KCNE4: variants seen among roughly 807,000 people sequenced by gnomAD.
KCNE4 encodes potassium voltage-gated channel subfamily E member 4.
In KCNE4, 6 loss-of-function variants were observed where a neutral mutation model predicts 9.2. The observed-to-expected ratio is 0.65, with a 90% CI of 0.36 to 1.29. The LOEUF (loss-of-function observed/expected upper bound fraction) is 1.29, where lower values mean the gene tolerates loss of function less well. Among genes scored for constraint, KCNE4 ranks in the 50% most tolerant of loss-of-function variants. KCNE4 has a pLI of 0.03. For synonymous variants in KCNE4, 115 were observed against 103.2 expected (o/e 1.11, Z -0.70); for missense variants, 222 against 228.8 (o/e 0.97, Z 0.19).
chr2:223,052,695 C>A (rs1698710739), intron 1 of KCNE4, 113 bp from the exon 2 acceptor site: 6 of 1,216,450 alleles, frequency 4.9e-6, no homozygotes, highest in South Asian at 1.4e-5. Context: ...TATGCTATTT[C>A]TTTCATGCAC....
At position 223,052,851 on chromosome 2, in the gene KCNE4, G is replaced by T; in HGVS notation, c.21G>T (p.Leu7=). MLKMEP[L]NSTHPGTAAS... ...CCTCAATGCTGAAAATGGAGCCTCT[G>T]AACAGCACGCACCCCGGCACCGCCG... Residue 7 remains leucine, a synonymous_variant, in exon 2 of 2, where the codon CTG becomes CTT. Coordinates refer to ENST00000281830, the MANE Select transcript of KCNE4 (RefSeq NM_080671.4). The T allele has an allele frequency of 6.2e-7, 1 of 1,612,698 alleles. No individual in the cohort carries two copies.
intron 1 of KCNE4, 98 bp from the exon 2 acceptor site, chr2:223,052,710 A>T: frequency 7.4e-7 from 1 of 1,353,232 alleles, no homozygotes; most frequent in Non-Finnish European, 1.0e-6. Flanking sequence ...ATGCACTTTT[A>T]AGCTTTTTTG....
rs1698747483 is a variant in KCNE4, at chr2:223,055,140, G to A, written c.*1797G>A. On this transcript the variant is annotated 3_prime_UTR_variant, in exon 2 of 2. Coordinates refer to ENST00000281830, the MANE Select transcript of KCNE4 (RefSeq NM_080671.4). ...CCCAAAGTGCTGGGATTACAGGCATGAGCCACTGCACCCGGCCACTTTTTT... is the reference window on the plus strand; with the variant it reads ...CCCAAAGTGCTGGGATTACAGGCATAAGCCACTGCACCCGGCCACTTTTTT... The A allele has an allele frequency of 6.2e-6, 1 of 160,208 alleles. No homozygotes were observed. Among genetic ancestry groups the A allele is most frequent in the African/African-American group, 2.5e-5 (1 of 39,538 alleles). The allele number at this position is 160,208 out of a possible 1,614,324, so 9.9% of individuals were successfully genotyped here.
chr2:223,052,866 C>G lies in KCNE4; in HGVS notation c.36C>G (p.Pro12=). The change falls in exon 2 of 2, where the codon CCC becomes CCG. Residue 12 remains proline (P), a synonymous_variant. Transcript: ENST00000281830. ...TGGAGCCTCTGAACAGCACGCACCC[C>G]GGCACCGCCGCCTCCAGCAGCCCCC... ...LKMEPLNSTH[P]GTAASSSPLE... 6.2e-7 allele frequency: 1 copy of G among 1,613,550 alleles called. No homozygotes were observed. Among genetic ancestry groups the G allele is most frequent in the Non-Finnish European group, 8.5e-7 (1 of 1,179,968 alleles).
Position 223,052,571 on chromosome 2 carries a change from TA to T in KCNE4, c.-23-221del, listed in dbSNP as rs71906281. ...CTACAAACAGGACAAATGTGTACAC[TA>T]AAAAAAAAAAAAAAAGTCCTTCTTA... On this transcript the variant is annotated intron_variant, in intron 1 of 1. Transcript: ENST00000281830. Among the ~76,000 whole-genome samples, 333 of 131,956 alleles carry T rather than the reference TA, an allele frequency of 2.5e-3. 2 individuals carry two copies. The highest frequency in any genetic ancestry group is 6.7e-3 in the African/African-American group (237 of 35,466). The allele number at this position is 131,956 out of a possible 152,430, so 86.6% of individuals were successfully genotyped here.
Position 223,054,068 on chromosome 2 carries a change from T to A in KCNE4, c.*725T>A, listed in dbSNP as rs1013776315. 1.8e-5 allele frequency: 3 copies of A among 167,154 alleles called. No homozygotes were observed. The highest frequency in any genetic ancestry group is 7.2e-5 in the African/African-American group (3 of 41,436). The allele number at this position is 167,154 out of a possible 1,614,324, so 10.4% of individuals were successfully genotyped here. A position where few individuals can be genotyped will look rare whatever the true frequency, so the allele number is the denominator to read the frequency against. On this transcript the variant is annotated 3_prime_UTR_variant, in exon 2 of 2. Coordinates refer to ENST00000281830, the MANE Select transcript of KCNE4 (RefSeq NM_080671.4). ...ATGACGTTCTTTGGATCAGAAGAGC[T>A]TCCCCAGAATCTAACCTGCACTCCC... is the stretch of plus-strand genomic sequence containing the variant.
Position 223,053,615 on chromosome 2 carries a change from G to T in KCNE4, c.*272G>T. 1 of 503,944 alleles carries T rather than the reference G, an allele frequency of 2.0e-6. No individual in the cohort carries two copies. Among genetic ancestry groups the T allele is most frequent in the Non-Finnish European group, 3.7e-6 (1 of 268,864 alleles). The allele number at this position is 503,944 out of a possible 1,614,324, so 31.2% of individuals were successfully genotyped here. A position where few individuals can be genotyped will look rare whatever the true frequency, so the allele number is the denominator to read the frequency against. On this transcript the variant is annotated 3_prime_UTR_variant, in exon 2 of 2. Transcript: ENST00000281830. This position sits in a 1 kb window ranked among gnomAD's most constrained non-coding sequence, Gnocchi z 4.1. ...CTGACTTTGGGGCCTGGGTGTTGGGGTTCTGATCAGAATTTGGCGGGATGA... is the reference window on the plus strand; with the variant it reads ...CTGACTTTGGGGCCTGGGTGTTGGGTTTCTGATCAGAATTTGGCGGGATGA...
chr2:223,053,195 G>A lies in KCNE4; in HGVS notation c.365G>A (p.Gly122Glu), dbSNP rs1574611776. Reference protein sequence around the residue: ...ALSCTLCSMEGDSVSSESSSP... With the variant: ...ALSCTLCSMEEDSVSSESSSP... Reference sequence around the variant, plus strand: ...TCCTGCACCCTCTGTTCCATGGAAGGGGACAGCGTGAGCTCCGAGTCCTCC... The same window carrying A: ...TCCTGCACCCTCTGTTCCATGGAAGAGGACAGCGTGAGCTCCGAGTCCTCC... Residue 122 changes from glycine (G) to glutamate (E), a missense_variant, in exon 2 of 2, where the codon GGG (glycine) becomes GAG (glutamate). Gly to Glu is a moderately conservative substitution (Grantham distance 98). Coordinates refer to ENST00000281830, the MANE Select transcript of KCNE4 (RefSeq NM_080671.4). The surrounding 1 kb of genome is among the most constrained non-coding windows in gnomAD (Gnocchi z 4.1). 6 of 1,612,152 alleles carry A rather than the reference G, an allele frequency of 3.7e-6. No homozygotes were observed. Among genetic ancestry groups the A allele is most frequent in the Non-Finnish European group, 3.4e-6 (4 of 1,178,656 alleles).
Position 223,053,494 on chromosome 2 carries a change from T to G in KCNE4, c.*151T>G, listed in dbSNP as rs538015032. Reference sequence around the variant, plus strand: ...CCTGATTCGGGGTGGGGTGGGGGACTAGGCTCAGCCGGAACCAGCACCTCC... The same window carrying G: ...CCTGATTCGGGGTGGGGTGGGGGACGAGGCTCAGCCGGAACCAGCACCTCC... On this transcript the variant is annotated 3_prime_UTR_variant, in exon 2 of 2. Transcript: ENST00000281830. The surrounding 1 kb of genome is among the most constrained non-coding windows in gnomAD (Gnocchi z 4.1). 4.3e-5 allele frequency: 36 copies of G among 835,420 alleles called. No homozygotes were observed. In the East Asian group the frequency reaches 8.6e-4, roughly 20 times the overall value. The allele number at this position is 835,420 out of a possible 1,614,324, so 51.8% of individuals were successfully genotyped here. A position where few individuals can be genotyped will look rare whatever the true frequency, so the allele number is the denominator to read the frequency against.
Position 223,053,384 on chromosome 2 carries a change from CCT to C in KCNE4, c.*42_*43del. 6.4e-7 allele frequency: 1 copy of C among 1,569,346 alleles called. No individual in the cohort carries two copies. Among genetic ancestry groups the C allele is most frequent in the Non-Finnish European group, 8.7e-7 (1 of 1,146,166 alleles). On this transcript the variant is annotated 3_prime_UTR_variant, in exon 2 of 2. Transcript: ENST00000281830. The surrounding 1 kb of genome is among the most constrained non-coding windows in gnomAD (Gnocchi z 4.1). ...TGCCGGTGGCTCCATCAGCCAGCAA[CCT>C]TAGAGAGAGGAAAGACAGTTTTCAA...
In KCNE4 at chr2:223,055,518, T is replaced by A. The variant is rs1479568985; in HGVS notation, c.*2175T>A. 6.0e-6 allele frequency: 1 copy of A among 167,096 alleles called. No individual in the cohort carries two copies. Among genetic ancestry groups the A allele is most frequent in the African/African-American group, 2.4e-5 (1 of 41,466 alleles). The allele number at this position is 167,096 out of a possible 1,614,324, so 10.4% of individuals were successfully genotyped here. The stretch of plus-strand genomic sequence containing the variant: ...ACCTATTAAAAAGTGATGTATATAC[T>A]TCCTTCTTATTCTGTTGAGTTGTAT... On this transcript the variant is annotated 3_prime_UTR_variant, in exon 2 of 2. Coordinates refer to ENST00000281830, the MANE Select transcript of KCNE4 (RefSeq NM_080671.4).
intron 1 of KCNE4, 42 bp from the exon 2 acceptor site, chr2:223,052,766 C>T: frequency 6.3e-7 from 1 of 1,594,720 alleles, no homozygotes; most frequent in African/African-American, 1.3e-5. Context: ...TCCCTGTGCC[C>T]AGGACCTGGG....
chr2:223,053,897 C>T lies in KCNE4; in HGVS notation c.*554C>T. 5.8e-6 allele frequency: 1 copy of T among 172,208 alleles called. No individual in the cohort carries two copies. The highest frequency in any genetic ancestry group is 1.4e-5 in the Non-Finnish European group (1 of 70,878). 10.7% of individuals were successfully genotyped at this position (172,208 alleles called of 1,614,324 possible). A position where few individuals can be genotyped will look rare whatever the true frequency, so the allele number is the denominator to read the frequency against. ...GAGAAAGCTGGAGATCTGAACCCAGCCCATTTGCACACTATAAGAAAAAAA... is the reference window on the plus strand; with the variant it reads ...GAGAAAGCTGGAGATCTGAACCCAGTCCATTTGCACACTATAAGAAAAAAA... On this transcript the variant is annotated 3_prime_UTR_variant, in exon 2 of 2. Transcript: ENST00000281830. The surrounding 1 kb of genome is among the most constrained non-coding windows in gnomAD (Gnocchi z 4.1).
In KCNE4 at chr2:223,055,360, A is replaced by G. The variant is rs1698752325; in HGVS notation, c.*2017A>G. Reference sequence around the variant, plus strand: ...GGACTTATGCCAAAGGGGGCTGTTTAAGTTGAAAGAAGCCAAGTTAAGTTT... The same window carrying G: ...GGACTTATGCCAAAGGGGGCTGTTTGAGTTGAAAGAAGCCAAGTTAAGTTT... On this transcript the variant is annotated 3_prime_UTR_variant, in exon 2 of 2. Coordinates refer to ENST00000281830, the MANE Select transcript of KCNE4 (RefSeq NM_080671.4). 6.0e-6 allele frequency: 1 copy of G among 167,066 alleles called. No homozygotes were observed. Among genetic ancestry groups the G allele is most frequent in the African/African-American group, 2.4e-5 (1 of 41,440 alleles). The allele number at this position is 167,066 out of a possible 1,614,324, so 10.3% of individuals were successfully genotyped here. A position where few individuals can be genotyped will look rare whatever the true frequency, so the allele number is the denominator to read the frequency against.
chr2:223,053,330 A>T lies in KCNE4; in HGVS notation c.500A>T (p.His167Leu). ...AGCGAAGGGTCCTCGGAGAACATCC[A>T]TCAGAATTCCTAGCACCCCCGGGAC... is the stretch of plus-strand genomic sequence containing the variant. ...ESSEGSSENI[H>L]QNS The change falls in exon 2 of 2, where the codon CAT becomes CTT. Residue 167 changes from histidine to leucine, a missense_variant. Physicochemically the swap from His to Leu is moderately conservative, Grantham distance 99. Coordinates refer to ENST00000281830, the MANE Select transcript of KCNE4 (RefSeq NM_080671.4). The surrounding 1 kb of genome is among the most constrained non-coding windows in gnomAD (Gnocchi z 4.1). 2 of 1,613,694 alleles carry T rather than the reference A, an allele frequency of 1.2e-6. No homozygotes were observed. Among genetic ancestry groups the T allele is most frequent in the Admixed American group, 3.3e-5 (2 of 60,002 alleles).
chr2:223,053,504 C>A lies in KCNE4; in HGVS notation c.*161C>A. 1.3e-6 allele frequency: 1 copy of A among 764,578 alleles called. No homozygotes were observed. The allele number at this position is 764,578 out of a possible 1,614,324, so 47.4% of individuals were successfully genotyped here. A position where few individuals can be genotyped will look rare whatever the true frequency, so the allele number is the denominator to read the frequency against. On this transcript the variant is annotated 3_prime_UTR_variant, in exon 2 of 2. Coordinates refer to ENST00000281830, the MANE Select transcript of KCNE4 (RefSeq NM_080671.4). The surrounding 1 kb of genome is among the most constrained non-coding windows in gnomAD (Gnocchi z 4.1). Reference sequence around the variant, plus strand: ...GGTGGGGTGGGGGACTAGGCTCAGCCGGAACCAGCACCTCCAAGGAGTCCG... The same window carrying A: ...GGTGGGGTGGGGGACTAGGCTCAGCAGGAACCAGCACCTCCAAGGAGTCCG...
chr2:223,052,275 G>C lies in KCNE4; in HGVS notation c.-24+1G>C, dbSNP rs1247597675. 2 of 1,236,016 alleles carry C rather than the reference G, an allele frequency of 1.6e-6. No homozygotes were observed. The highest frequency in any genetic ancestry group is 2.0e-6 in the Non-Finnish European group (2 of 990,708). 76.6% of individuals were successfully genotyped at this position (1,236,016 alleles called of 1,614,324 possible). A position where few individuals can be genotyped will look rare whatever the true frequency, so the allele number is the denominator to read the frequency against. On this transcript the variant is annotated splice_donor_variant, in intron 1 of 1. Transcript: ENST00000281830. LOFTEE classifies it low-confidence loss of function (5UTR_SPLICE). ...AACTTGGGACAAACTGTCAGCCTTG[G>C]TAAGTCAGCAAGGCTACACTTTGCT...
chr2:223,052,823 C>T lies in KCNE4; in HGVS notation c.-8C>T. The T allele has an allele frequency of 6.2e-7, 1 of 1,609,616 alleles. No individual in the cohort carries two copies. The highest frequency in any genetic ancestry group is 8.5e-7 in the Non-Finnish European group (1 of 1,179,936). On this transcript the variant is annotated 5_prime_UTR_variant, in exon 2 of 2. Coordinates refer to ENST00000281830, the MANE Select transcript of KCNE4 (RefSeq NM_080671.4). The stretch of plus-strand genomic sequence containing the variant: ...TTTTCCCCAGCCCCTGCTGTGGAGG[C>T]AGCCTCAATGCTGAAAATGGAGCCT...
intron 1 of KCNE4, 25 bp downstream of exon 1, chr2:223,052,299 C>G (rs760067902): frequency 5.7e-6 from 7 of 1,237,122 alleles, no homozygotes; most frequent in Non-Finnish European, 7.1e-6. Flanking sequence ...CTACACTTTG[C>G]TTTCAGAAAC....
Sources: allele counts gnomAD v4.1 joint callset (sites outside exome capture counted in the v4.1 genomes callset), GRCh38; gene constraint gnomAD v4.1.1; non-coding constraint Gnocchi (gnomAD v3.1); transcripts MANE v1.5; gene names NCBI Gene and HGNC (gene_info 2026-07-23, HGNC 2026-07-21).